MACF1: variants seen among roughly 807,000 people sequenced by gnomAD.
The protein encoded by MACF1 is microtubule actin crosslinking factor 1.
In MACF1, 193 loss-of-function variants were observed where a neutral mutation model predicts 854.8. That is an observed-to-expected ratio of 0.23 (90% CI 0.20 to 0.25). MACF1 has a LOEUF of 0.25. MACF1 is among the 10% of genes least tolerant of loss of function. The pLI, the probability that MACF1 is intolerant of heterozygous loss-of-function variation, is 1.00. For missense variants in MACF1, 7,722 were observed against 8,929.1 expected (o/e 0.86, Z 5.45); for synonymous variants, 3,185 against 3,226.7 (o/e 0.99, Z 0.44).
At chr1:39,424,956 A>G (rs1486287788) in intron 61 of MACF1, among the ~76,000 whole-genome samples, 2 of 152,192 alleles carry the variant, frequency 1.3e-5, no homozygotes, top group African/African-American at 4.8e-5. Context: ...CCACCTGCCC[A>G]TGACTTGGCT....
chr1:39,243,108 A>T (rs1418342924), intron 2 of MACF1, among the ~76,000 whole-genome samples: 1 of 152,184 alleles, frequency 6.6e-6, no homozygotes. Flanking sequence ...GCTAACACTT[A>T]TCTGTCTTTT....
chr1:39,413,295 A>C (rs1161380461), intron 58 of MACF1: 2 of 1,584,698 alleles, frequency 1.3e-6, no homozygotes, highest in Admixed American at 1.8e-5. Flanking sequence ...TGCCCACCCC[A>C]GAGGAGCCCA....
At chr1:39,198,989 A>T (rs1644356256) in intron 2 of MACF1, among the ~76,000 whole-genome samples, 1 of 151,724 alleles carries the variant, frequency 6.6e-6, no homozygotes, top group South Asian at 2.1e-4. Context: ...TTTTGACAGA[A>T]TTTTTTTCTT....
intron 22 of MACF1, among the ~76,000 whole-genome samples, chr1:39,300,818 A>T (rs1646024251): frequency 6.6e-6 from 1 of 152,162 alleles, no homozygotes; most frequent in Non-Finnish European, 1.5e-5. Context: ...GCTGAGGCAC[A>T]TGGATCACTT....
intron 54 of MACF1, 145 bp downstream of exon 54, chr1:39,379,589 T>C: frequency 1.2e-6 from 1 of 853,254 alleles, no homozygotes; most frequent in Non-Finnish European, 1.8e-6. Context: ...TTCTAAATGA[T>C]TAATATGCCT....
In MACF1 at chr1:39,190,389, GTGTT is replaced by G. The variant is rs1453650710; in HGVS notation, c.221-40787_221-40784del. Among the ~76,000 whole-genome samples, 8 of 74,528 alleles carry G rather than the reference GTGTT, an allele frequency of 1.1e-4. No homozygotes were observed. The South Asian group carries it at 4.9e-3, about 45-fold the overall frequency. The allele number at this position is 74,528 out of a possible 152,430, so 48.9% of individuals were successfully genotyped here. On this transcript the variant is annotated intron_variant, in intron 2 of 93. Coordinates refer to the MACF1 transcript ENST00000361689. ...TTCTTTTGTGTGTGTGTGTGTGTGTGTGTTTGTTTTTGTTTTTTTTTTTTTTTTT... is the reference window on the plus strand; with the variant it reads ...TTCTTTTGTGTGTGTGTGTGTGTGTGTGTTTTTGTTTTTTTTTTTTTTTTT...
At chr1:39,429,647 T>C (rs745727872) in intron 64 of MACF1, among the ~76,000 whole-genome samples, 180 bp from the exon 65 acceptor site, 31 of 152,192 alleles carry the variant, frequency 2.0e-4, no homozygotes, top group Non-Finnish European at 3.5e-4. Flanking sequence ...GTGGCTTCTT[T>C]TATCCAGTGG....
At chr1:39,094,545 C>T (rs958672664) in intron 2 of MACF1, among the ~76,000 whole-genome samples, 2 of 152,026 alleles carry the variant, frequency 1.3e-5, no homozygotes, top group Non-Finnish European at 2.9e-5. Flanking sequence ...ACGGAGAAAC[C>T]CTGTCTCTAC....
chr1:39,348,735 A>G (rs531832878), intron 41 of MACF1, among the ~76,000 whole-genome samples: 2 of 152,192 alleles, frequency 1.3e-5, no homozygotes, highest in African/African-American at 2.4e-5. Context: ...ATCATGCTCA[A>G]TTGCTCAGTC....
rs369978491 is a variant in MACF1 at position 39,347,069 on chromosome 1, G to C, written c.10674G>C (p.Leu3558Phe). 3.1e-6 allele frequency: 5 copies of C among 1,613,938 alleles called. No homozygotes were observed. The highest frequency in any genetic ancestry group is 4.2e-6 in the Non-Finnish European group (5 of 1,179,964). ...QFFISEHAQD[L>F]SPQQNRQMLR... is the part of the protein sequence containing the mutation. ...TTATCTCAGAACATGCCCAGGACTT[G>C]TCCCCTCAGCAGAATCGACAGATGC... The change falls in exon 41 of 101, where the codon TTG (leucine) becomes TTC (phenylalanine). Residue 3558 changes from leucine to phenylalanine, a missense_variant. This residue lies in a region of MACF1 where 854 missense variants were observed against 852.6 expected (regional missense o/e 1.00). Coordinates refer to ENST00000564288, the MANE Select transcript of MACF1 (RefSeq NM_001394062.1).
intron 2 of MACF1, among the ~76,000 whole-genome samples, chr1:39,184,644 T>A (rs1644144368): frequency 1.3e-5 from 2 of 152,072 alleles, no homozygotes; most frequent in African/African-American, 4.8e-5. Flanking sequence ...AGTCTTAGTA[T>A]CTTTTCATAT....
At position 39,333,465 on chromosome 1, in the gene MACF1, C is replaced by A; in HGVS notation, c.6877C>A (p.Leu2293Ile). ...CTTAAATGTATTATCTGCACAGTTA[C>A]TAGATGGTGGTATCTTTCATGAACA... ...ATLNVLSAQL[L>I]DGGIFHEQTG... The change falls in exon 37 of 101, where the codon CTA becomes ATA. Residue 2293 changes from leucine (L) to isoleucine (I), a missense_variant. By Grantham distance (5) the Leu-to-Ile change is conservative. This residue lies in a region of MACF1 where 1,531 missense variants were observed against 1,601.6 expected (regional missense o/e 0.96). Transcript: ENST00000564288. 3 of 1,614,148 alleles carry A rather than the reference C, an allele frequency of 1.9e-6. No individual in the cohort carries two copies. Among genetic ancestry groups the A allele is most frequent in the Non-Finnish European group, 2.5e-6 (3 of 1,180,020 alleles).
intron 58 of MACF1, among the ~76,000 whole-genome samples, chr1:39,393,846 G>GGAGGGAGAGAGA (rs1642156598): frequency 7.1e-6 from 1 of 140,738 alleles, no homozygotes; most frequent in African/African-American, 2.7e-5. Context: ...AGGGAGGGAG[G>GGAGGGAGAGAGA]GAGAGAGAGA....
rs368658587 is a variant in MACF1, at chr1:39,090,095, T to A, written c.220+5657T>A. On this transcript the variant is annotated intron_variant, in intron 2 of 93. Coordinates refer to the MACF1 transcript ENST00000361689. ...CAGGGAGCAGATGGAAGTGGCTTAT[T>A]CTGGCCAAGCCGTGAGTGGGAAGAA... Among the ~76,000 whole-genome samples, 44 of 152,298 alleles carry A rather than the reference T, an allele frequency of 2.9e-4. 1 individual carries two copies. In the South Asian group the frequency reaches 8.9e-3, roughly 31 times the overall value.
rs1381213101 is a variant in MACF1 at position 39,276,320 on chromosome 1, GCTCAGAACAACTCGT to G, written c.529-5883_529-5869del. Among the ~76,000 whole-genome samples, 44 of 152,188 alleles carry G rather than the reference GCTCAGAACAACTCGT, an allele frequency of 2.9e-4. 1 individual carries two copies. The highest frequency in any genetic ancestry group is 3.4e-3 in the Middle Eastern group (1 of 294). On this transcript the variant is annotated intron_variant, in intron 6 of 100. Coordinates refer to ENST00000564288, the MANE Select transcript of MACF1 (RefSeq NM_001394062.1). ...GGACATAATAATCAAGTACTTACTT[GCTCAGAACAACTCGT>G]CTCATCCACTGAGAGACTTACCAAG...
chr1:39,149,459 C>T (rs1424579147), intron 2 of MACF1, among the ~76,000 whole-genome samples: 1 of 151,584 alleles, frequency 6.6e-6, no homozygotes, highest in Admixed American at 6.6e-5. Context: ...ACCGGGGAGG[C>T]GGAGGTCGCT....
At position 39,105,124 on chromosome 1, in the gene MACF1, C is replaced by A. The variant is rs1642190727; in HGVS notation, c.220+20686C>A. On this transcript the variant is annotated intron_variant, in intron 2 of 93. Transcript: ENST00000361689. This position sits in a 1 kb window ranked among gnomAD's most constrained non-coding sequence, Gnocchi z 5.9. ...GCGGGGCCTCCCACCCAGCGGGACT[C>A]CCGCGTGGGCCGGCCTCTCGCGCCC... 6.6e-6 allele frequency among the ~76,000 whole-genome samples: 1 copy of A among 151,966 alleles called. No homozygotes were observed. The highest frequency in any genetic ancestry group is 6.6e-5 in the Admixed American group (1 of 15,260).
chr1:39,465,227 T>A, intron 95 of MACF1, 115 bp downstream of exon 95: 1 of 1,047,122 alleles, frequency 9.5e-7, no homozygotes, highest in Non-Finnish European at 1.5e-6. Flanking sequence ...GGGTCGCACC[T>A]GGTTGTCTTA....
chr1:39,458,444 A>G lies in MACF1; in HGVS notation c.21150A>G (p.Ile7050Met), dbSNP rs1417816747. Reference sequence around the variant, plus strand: ...CCAAGACATACAAAAGGAAAAACATAGAGCCTACTCACGCGCCTTTCATAG... The same window carrying G: ...CCAAGACATACAAAAGGAAAAACATGGAGCCTACTCACGCGCCTTTCATAG... ...RVTKTYKRKN[I>M]EPTHAPFIEK... is the part of the protein sequence containing the mutation. Residue 7050 changes from isoleucine to methionine, a missense_variant, in exon 90 of 101, where the codon ATA (isoleucine) becomes ATG (methionine). Ile to Met is a conservative substitution (Grantham distance 10). Coordinates refer to ENST00000564288, the MANE Select transcript of MACF1 (RefSeq NM_001394062.1). 1.9e-6 allele frequency: 3 copies of G among 1,614,074 alleles called. No individual in the cohort carries two copies. Among genetic ancestry groups the G allele is most frequent in the Non-Finnish European group, 1.7e-6 (2 of 1,180,018 alleles).
Sources: allele counts gnomAD v4.1 joint callset (sites outside exome capture counted in the v4.1 genomes callset), GRCh38; gene constraint gnomAD v4.1.1; regional missense constraint gnomAD v4.1.1; non-coding constraint Gnocchi (gnomAD v3.1); transcripts MANE v1.5; gene names NCBI Gene and HGNC (gene_info 2026-07-23, HGNC 2026-07-21).